Variants in SPATA6L observed in about 807,000 individuals in gnomAD.
The protein encoded by SPATA6L is spermatogenesis associated 6 like.
A neutral mutation model predicts 49.2 loss-of-function variants in SPATA6L; 68 were observed. The ratio of observed to expected loss-of-function variants is 1.38; its 90% CI spans 1.14 to 1.69. The LOEUF is 1.69. Among genes scored for constraint, SPATA6L ranks in the 40% most tolerant of loss-of-function variants. The probability of loss-of-function intolerance (pLI) is 0.00; values close to 1 mark genes in which losing one functional copy is unlikely to be tolerated. For missense variants in SPATA6L, 668 were observed against 464.3 expected (o/e 1.44, Z -4.03); for synonymous variants, 198 against 165.7 (o/e 1.19, Z -1.50).
At chr9:4,642,259 T>C (rs1372387890) in intron 3 of SPATA6L, among the ~76,000 whole-genome samples, 2 of 152,186 alleles carry the variant, frequency 1.3e-5, no homozygotes, top group Non-Finnish European at 2.9e-5. Context: ...TACTAAAATA[T>C]AATGTGCCAG....
chr9:4,591,888 G>C lies in SPATA6L; in HGVS notation c.*255-2927C>G, dbSNP rs931256427. Among the ~76,000 whole-genome samples, 27 of 152,152 alleles carry C rather than the reference G, an allele frequency of 1.8e-4. 1 individual carries two copies. Among genetic ancestry groups the C allele is most frequent in the Admixed American group, 1.8e-3 (27 of 15,266 alleles). ...TTCTTGGGCATCATTACCTTTCCTA[G>C]AGATGACACTCTAAGGCAAATCAAC... On this transcript the variant is annotated intron_variant and NMD_transcript_variant, in intron 13 of 13. Coordinates refer to the SPATA6L transcript ENST00000461761.
At chr9:4,648,725 A>AATAAATAAATAAATAAATAC (rs1564294446) in intron 3 of SPATA6L, among the ~76,000 whole-genome samples, 62 of 51,090 alleles carry the variant, frequency 1.2e-3, no homozygotes, top group African/African-American at 8.1e-4. Flanking sequence ...TAAATAAATA[A>AATAAATAAATAAATAAATAC]ATACATAAGT....
At chr9:4,663,025 G>A in intron 1 of SPATA6L, 1 of 1,613,776 alleles carries the variant, frequency 6.2e-7, no homozygotes, top group Non-Finnish European at 8.5e-7. Flanking sequence ...CATGCCACAA[G>A]GGCCGCCCTG....
At chr9:4,650,519 A>T (rs754393118) in intron 3 of SPATA6L, among the ~76,000 whole-genome samples, 10 of 152,342 alleles carry the variant, frequency 6.6e-5, no homozygotes, top group Non-Finnish European at 1.2e-4. Context: ...AAATCAATAC[A>T]TCTAAAAGTT....
At chr9:4,621,726 G>A (rs1587133026) in intron 7 of SPATA6L, among the ~76,000 whole-genome samples, 1 of 152,206 alleles carries the variant, frequency 6.6e-6, no homozygotes, top group Non-Finnish European at 1.5e-5. Context: ...AACCTCAGGT[G>A]ATCTGCCTGC....
intron 11 of SPATA6L, 113 bp from the exon 12 acceptor site, chr9:4,600,922 T>C (rs1218250423): frequency 6.6e-6 from 1 of 152,232 alleles, no homozygotes; most frequent in Non-Finnish European, 1.5e-5. Flanking sequence ...GGCATGTAGC[T>C]ATGCCTTGGG....
chr9:4,589,307 T>C (rs1298321159), intron 13 of SPATA6L, among the ~76,000 whole-genome samples: 1 of 152,196 alleles, frequency 6.6e-6, no homozygotes, highest in Non-Finnish European at 1.5e-5. Context: ...GAAAAAACTA[T>C]ACCCTTCTCC....
At position 4,640,478 on chromosome 9, in the gene SPATA6L, G is replaced by C. The variant is rs139730309; in HGVS notation, c.227-5079C>G. ...AGCAATAAATACAGCTAAATGAAAA[G>C]GTAACAATTCAGCCAATAGAGAAAT... On this transcript the variant is annotated intron_variant, in intron 3 of 11. Transcript: ENST00000682582. Among the ~76,000 whole-genome samples, 886 of 152,208 alleles carry C rather than the reference G, an allele frequency of 5.8e-3. 9 individuals are homozygous for C. The highest frequency in any genetic ancestry group is 0.02 in the African/African-American group (838 of 41,512).
chr9:4,625,814 T>A lies in SPATA6L; in HGVS notation c.430-248A>T, dbSNP rs939619469. ...AATTAACAGTGAGATTTATTTATAA[T>A]AGGGGGAAGTTAGAAAGTGTCAGAC... On this transcript the variant is annotated intron_variant, in intron 5 of 11. Coordinates refer to ENST00000682582, the MANE Select transcript of SPATA6L (RefSeq NM_001353486.2). The A allele has an allele frequency of 1.8e-5, 5 of 272,548 alleles. No homozygotes were observed. In the East Asian group the frequency reaches 2.1e-4, roughly 12 times the overall value. The allele number at this position is 272,548 out of a possible 1,614,324, so 16.9% of individuals were successfully genotyped here. A position where few individuals can be genotyped will look rare whatever the true frequency, so the allele number is the denominator to read the frequency against.
Position 4,662,288 on chromosome 9 carries a change from G to A in SPATA6L, c.40-252C>T, listed in dbSNP as rs1839986270. 12 of 1,434,864 alleles carry A rather than the reference G, an allele frequency of 8.4e-6. No individual in the cohort carries two copies. The highest frequency in any genetic ancestry group is 1.1e-5 in the Non-Finnish European group (12 of 1,099,688). 88.9% of individuals were successfully genotyped at this position (1,434,864 alleles called of 1,614,324 possible). On this transcript the variant is annotated intron_variant, in intron 1 of 11. Transcript: ENST00000682582. The surrounding 1 kb of genome is among the most constrained non-coding windows in gnomAD (Gnocchi z 4.9). The stretch of plus-strand genomic sequence containing the variant: ...CCGGCTCCTCTCCCCGCCCCTCCGG[G>A]ATGGTAGTGCGGAAGCGGAAGAGGC...
chr9:4,656,001 T>A, intron 3 of SPATA6L, 40 bp downstream of exon 3: 5 of 1,508,420 alleles, frequency 3.3e-6, no homozygotes, highest in Non-Finnish European at 4.6e-6. Flanking sequence ...TTACACACAA[T>A]AGTCTTTTGG....
chr9:4,655,428 T>A (rs928533294), intron 3 of SPATA6L, among the ~76,000 whole-genome samples: 1 of 152,240 alleles, frequency 6.6e-6, no homozygotes, highest in Non-Finnish European at 1.5e-5. Flanking sequence ...ATAGGGCCGC[T>A]TTTTGTGGTG....
chr9:4,591,166 G>A (rs899850028), intron 13 of SPATA6L, among the ~76,000 whole-genome samples: 2 of 152,142 alleles, frequency 1.3e-5, no homozygotes, highest in Non-Finnish European at 2.9e-5. Flanking sequence ...GGCAGTCGCT[G>A]GAGAAAAGGT....
intron 2 of SPATA6L, among the ~76,000 whole-genome samples, chr9:4,659,154 G>T (rs1022701000): frequency 4.6e-5 from 7 of 152,064 alleles, no homozygotes; most frequent in Admixed American, 6.5e-5. Flanking sequence ...CACTTATCCA[G>T]CCAGTTTGGT....
At chr9:4,628,839 T>C in intron 5 of SPATA6L, 1 of 374,870 alleles carries the variant, frequency 2.7e-6, no homozygotes, top group Non-Finnish European at 4.7e-6. Context: ...TACATCAAAT[T>C]TGTAATTTTA....
chr9:4,628,344 A>G (rs1317492647), intron 5 of SPATA6L: 1 of 153,258 alleles, frequency 6.5e-6, no homozygotes. Flanking sequence ...CTGTATGCCT[A>G]TATCAAAATA....
chr9:4,646,369 C>T, intron 3 of SPATA6L: 1 of 575,358 alleles, frequency 1.7e-6, no homozygotes, highest in South Asian at 3.6e-5. Flanking sequence ...CTTACAGACA[C>T]ATAAAGTTGT....
At chr9:4,626,198 C>G in intron 5 of SPATA6L, 1 of 230,612 alleles carries the variant, frequency 4.3e-6, no homozygotes, top group Non-Finnish European at 8.3e-6. Flanking sequence ...ATTCCTGCAA[C>G]CATTCTTCGC....
At chr9:4,607,293 A>G (rs932303284) in intron 9 of SPATA6L, among the ~76,000 whole-genome samples, 3 of 152,116 alleles carry the variant, frequency 2.0e-5, no homozygotes, top group Admixed American at 6.5e-5. Flanking sequence ...AATACAGAGA[A>G]TGCCACAAAG....
Sources: gnomAD v4.1 joint callset for allele counts (sites outside exome capture counted in the v4.1 genomes callset) on GRCh38, gnomAD v4.1.1 for gene constraint, Gnocchi (gnomAD v3.1) non-coding constraint, MANE v1.5 for transcripts, NCBI Gene and HGNC (gene_info 2026-07-23, HGNC 2026-07-21) for gene names.